ARHGAP26: variants seen among roughly 807,000 people sequenced by gnomAD.
ARHGAP26 encodes rho GTPase-activating protein 26.
Under a neutral mutation model 104.8 loss-of-function variants are expected in ARHGAP26, and 38 were observed. The observed-to-expected ratio is 0.36, with a 90% CI of 0.28 to 0.48. The LOEUF (loss-of-function observed/expected upper bound fraction) is 0.48. Among genes scored for constraint, ARHGAP26 ranks in the 20% least tolerant of loss-of-function variants. ARHGAP26 has a pLI of 0.99. For missense variants in ARHGAP26, 704 were observed against 947.9 expected, an observed-to-expected ratio of 0.74 and a Z score of 3.38; for synonymous variants, 341 against 340.0, an observed-to-expected ratio of 1.00 and a Z score of -0.03.
At chr5:142,998,265 T>C (rs1431575481) in intron 11 of ARHGAP26, among the ~76,000 whole-genome samples, 1 of 152,206 alleles carries the variant, frequency 6.6e-6, no homozygotes, top group Non-Finnish European at 1.5e-5. Context: ...CAGAGGAACC[T>C]GTGGAGAGCT....
At chr5:142,934,392 C>T (rs914764668) in intron 11 of ARHGAP26, among the ~76,000 whole-genome samples, 1 of 152,186 alleles carries the variant, frequency 6.6e-6, no homozygotes, top group South Asian at 2.1e-4. Flanking sequence ...CTCACAGGAA[C>T]ATATAGCTTG....
At chr5:143,016,702 C>CAAA (rs5871833) in intron 12 of ARHGAP26, among the ~76,000 whole-genome samples, 1,678 of 126,004 alleles carry the variant, frequency 0.013, 22 homozygotes, top group Non-Finnish European at 0.02. Flanking sequence ...GACTCTGTCT[C>CAAA]AAAAAAAAAA....
chr5:142,783,030 A>C (rs771454818), intron 1 of ARHGAP26, among the ~76,000 whole-genome samples: 11 of 152,194 alleles, frequency 7.2e-5, no homozygotes, highest in Middle Eastern at 3.4e-3. Context: ...TCTCACCCCA[A>C]GTGATTTGCA....
intron 11 of ARHGAP26, among the ~76,000 whole-genome samples, chr5:142,951,186 A>AGCAGCT (rs1386599329): frequency 1.5e-4 from 23 of 152,172 alleles, no homozygotes; most frequent in African/African-American, 5.3e-4. Context: ...CAGCCTCCTG[A>AGCAGCT]GCAGCTGAGA....
chr5:142,927,817 C>A (rs1764138680), intron 10 of ARHGAP26, among the ~76,000 whole-genome samples: 1 of 152,094 alleles, frequency 6.6e-6, no homozygotes, highest in Non-Finnish European at 1.5e-5. Flanking sequence ...ACATTTTTTG[C>A]CAGTATTGGT....
chr5:142,863,285 A>G (rs1322581363), intron 1 of ARHGAP26, among the ~76,000 whole-genome samples: 1 of 151,932 alleles, frequency 6.6e-6, no homozygotes, highest in Non-Finnish European at 1.5e-5. Context: ...TAATTTTTGT[A>G]TTAGCCAGAG....
At chr5:143,131,234 C>G (rs1797318619) in intron 18 of ARHGAP26, among the ~76,000 whole-genome samples, 1 of 152,218 alleles carries the variant, frequency 6.6e-6, no homozygotes, top group Non-Finnish European at 1.5e-5. Flanking sequence ...TGTCTAAAGC[C>G]ATGGTCCTTC....
chr5:143,026,180 T>C (rs1465640085), intron 12 of ARHGAP26, among the ~76,000 whole-genome samples: 1 of 152,240 alleles, frequency 6.6e-6, no homozygotes, highest in Non-Finnish European at 1.5e-5. Context: ...TTTTGGCCTG[T>C]CGGCTCCTTG....
intron 22 of ARHGAP26, 33 bp downstream of exon 22, chr5:143,214,121 CGGGGGGCGGGGGCAAGGGG>C: frequency 4.7e-6 from 3 of 635,206 alleles, no homozygotes; most frequent in Non-Finnish European, 4.8e-6. Context: ...AAGATATGGG[CGGGGGGCGGGGGCAAGGGG>C]AGCACATAAA....
chr5:142,918,321 A>G (rs1477545811), intron 10 of ARHGAP26, among the ~76,000 whole-genome samples: 1 of 151,752 alleles, frequency 6.6e-6, no homozygotes, highest in Non-Finnish European at 1.5e-5. Flanking sequence ...TAATTTTTCT[A>G]TTTGTAGTAG....
At chr5:142,816,368 A>G (rs1291464110) in intron 1 of ARHGAP26, among the ~76,000 whole-genome samples, 1 of 152,236 alleles carries the variant, frequency 6.6e-6, no homozygotes, top group African/African-American at 2.4e-5. Flanking sequence ...TGAAGGCTGC[A>G]GCGATAAAGC....
intron 1 of ARHGAP26, among the ~76,000 whole-genome samples, chr5:142,862,152 G>GGT (rs1185552902): frequency 6.6e-6 from 1 of 152,198 alleles, no homozygotes; most frequent in Non-Finnish European, 1.5e-5. Context: ...ATTACAGGGA[G>GGT]GTGACAGGCC....
At chr5:142,887,588 T>G (rs1429924267) in intron 5 of ARHGAP26, among the ~76,000 whole-genome samples, 1 of 152,208 alleles carries the variant, frequency 6.6e-6, no homozygotes, top group African/African-American at 2.4e-5. Context: ...ATTATAGTCC[T>G]TTATGTTCTT....
intron 1 of ARHGAP26, among the ~76,000 whole-genome samples, chr5:142,780,704 T>C (rs1757314041): frequency 6.6e-6 from 1 of 152,118 alleles, no homozygotes; most frequent in Admixed American, 6.6e-5. Flanking sequence ...GCTGTTGAGT[T>C]TTTATCTTTG....
At chr5:142,845,591 CT>C (rs1771764122) in intron 1 of ARHGAP26, among the ~76,000 whole-genome samples, 2 of 152,204 alleles carry the variant, frequency 1.3e-5, no homozygotes, top group Non-Finnish European at 2.9e-5. Flanking sequence ...CAGTGCTGAA[CT>C]GCAGACCCGT....
chr5:142,771,165 C>T, intron 1 of ARHGAP26: 4 of 1,290,224 alleles, frequency 3.1e-6, no homozygotes, highest in Non-Finnish European at 2.9e-6. Context: ...GCGGGTGGTG[C>T]TCTGGGGCAG....
chr5:143,132,195 C>A (rs1797435499), intron 18 of ARHGAP26, among the ~76,000 whole-genome samples: 1 of 152,094 alleles, frequency 6.6e-6, no homozygotes, highest in African/African-American at 2.4e-5. Flanking sequence ...AGCTGGCTGG[C>A]ATCATTGGAG....
intron 10 of ARHGAP26, among the ~76,000 whole-genome samples, chr5:142,915,226 G>C (rs1469358964): frequency 1.3e-5 from 2 of 152,014 alleles, no homozygotes; most frequent in Admixed American, 6.6e-5. Flanking sequence ...AGCAAAGAGC[G>C]AATGTGTCAC....
intron 17 of ARHGAP26, among the ~76,000 whole-genome samples, chr5:143,085,214 A>G (rs1790400672): frequency 1.3e-5 from 2 of 151,974 alleles, no homozygotes; most frequent in Admixed American, 1.3e-4. Flanking sequence ...CCCAGTGTCT[A>G]TCACATCATT....
Sources: gnomAD v4.1 joint callset for allele counts (sites outside exome capture counted in the v4.1 genomes callset) on GRCh38, gnomAD v4.1.1 for gene constraint, MANE v1.5 for transcripts, NCBI Gene and HGNC (gene_info 2026-07-23, HGNC 2026-07-21) for gene names.